LRRC7: variants seen among roughly 807,000 people sequenced by gnomAD.
LRRC7 encodes leucine rich repeat containing 7, also known as leucine-rich repeat-containing protein 7.
Under a neutral mutation model 175.7 loss-of-function variants are expected in LRRC7, and 23 were observed. The observed-to-expected ratio is 0.13, with a 90% CI of 0.09 to 0.19. The LOEUF (loss-of-function observed/expected upper bound fraction) is 0.19. LRRC7 is among the 10% of genes least tolerant of loss of function. The pLI is 1.00. For synonymous variants in LRRC7, 685 were observed against 680.9 expected, an observed-to-expected ratio of 1.01 and a Z score of -0.09; for missense variants, 1,354 against 1,904.7, an observed-to-expected ratio of 0.71 and a Z score of 5.38.
chr1:69,819,043 G>C (rs1037445580), intron 4 of LRRC7, among the ~76,000 whole-genome samples: 2 of 151,886 alleles, frequency 1.3e-5, no homozygotes, highest in Non-Finnish European at 2.9e-5. Flanking sequence ...ACAAATTCTA[G>C]TTTCATTGAT....
intron 26 of LRRC7, among the ~76,000 whole-genome samples, chr1:70,113,599 T>TA (rs1665656671): frequency 2.0e-5 from 3 of 152,170 alleles, no homozygotes; most frequent in Non-Finnish European, 4.4e-5. Context: ...AACAAGATTT[T>TA]AAAAGCACAT....
chr1:69,910,218 G>A (rs542270495), intron 7 of LRRC7, among the ~76,000 whole-genome samples: 38 of 152,232 alleles, frequency 2.5e-4, no homozygotes, highest in East Asian at 1.4e-3. Context: ...GCTTTGTTCC[G>A]TTGCTGGTGA....
intron 11 of LRRC7, among the ~76,000 whole-genome samples, chr1:69,997,298 G>T (rs1655078379): frequency 6.6e-6 from 1 of 152,128 alleles, no homozygotes; most frequent in South Asian, 2.1e-4. Flanking sequence ...AGGAGATTTT[G>T]GGCTGAGACA....
intron 1 of LRRC7, among the ~76,000 whole-genome samples, chr1:69,667,629 C>T (rs1658456747): frequency 1.3e-5 from 2 of 152,132 alleles, no homozygotes; most frequent in South Asian, 4.1e-4. Context: ...TACTCCTGCT[C>T]CGTTTTGGTT....
At chr1:69,701,929 G>A (rs1036557282) in intron 2 of LRRC7, among the ~76,000 whole-genome samples, 1 of 152,152 alleles carries the variant, frequency 6.6e-6, no homozygotes, top group Non-Finnish European at 1.5e-5. Flanking sequence ...TATTTAAAAT[G>A]CTTGAGCTGA....
chr1:69,697,891 GC>G (rs1214612426), intron 2 of LRRC7, among the ~76,000 whole-genome samples: 1 of 152,164 alleles, frequency 6.6e-6, no homozygotes, highest in Admixed American at 6.5e-5. Flanking sequence ...ATCCCATGGG[GC>G]TTACTGCTGT....
intron 7 of LRRC7, chr1:69,919,394 A>G: frequency 1.6e-6 from 1 of 641,636 alleles, no homozygotes; most frequent in Non-Finnish European, 2.7e-6. Flanking sequence ...GGCTGGGAAA[A>G]GCGCATGAGC....
chr1:70,107,818 A>G lies in LRRC7; in HGVS notation c.4612A>G (p.Ile1538Val). ...AAACCTACTGCAGCCTGGTGATAAG[A>G]TCCTTCAGGTAAGACAGATAAAAGA... ...ASNLLQPGDK[I>V]LQANGHSFVH... The change falls in exon 26 of 27, where the codon ATC (isoleucine) becomes GTC (valine). Residue 1538 changes from isoleucine (I) to valine (V), a missense_variant. Transcript: ENST00000651989. 4 of 1,612,612 alleles carry G rather than the reference A, an allele frequency of 2.5e-6. No individual in the cohort carries two copies. The highest frequency in any genetic ancestry group is 3.4e-6 in the Non-Finnish European group (4 of 1,178,874).
intron 18 of LRRC7, among the ~76,000 whole-genome samples, chr1:70,029,654 C>T (rs1343439651): frequency 6.6e-6 from 1 of 152,108 alleles, no homozygotes; most frequent in Non-Finnish European, 1.5e-5. Context: ...AGGAAACCAA[C>T]ATTTAGCAGA....
At chr1:70,112,561 T>A (rs1665593753) in intron 26 of LRRC7, among the ~76,000 whole-genome samples, 1 of 151,882 alleles carries the variant, frequency 6.6e-6, no homozygotes, top group Non-Finnish European at 1.5e-5. Context: ...GGGAATGGAG[T>A]GATTAATATA....
chr1:69,696,528 T>A (rs1265509684), intron 2 of LRRC7, among the ~76,000 whole-genome samples: 1 of 152,180 alleles, frequency 6.6e-6, no homozygotes, highest in East Asian at 1.9e-4. Flanking sequence ...GATTGTATTT[T>A]GCAATGTGAG....
intron 3 of LRRC7, among the ~76,000 whole-genome samples, chr1:69,761,641 G>T (rs1039717597): frequency 2.6e-5 from 4 of 151,806 alleles, no homozygotes; most frequent in African/African-American, 9.7e-5. Flanking sequence ...AAATATTATT[G>T]ACTACATGGA....
chr1:69,721,953 C>T (rs1449510796), intron 2 of LRRC7, among the ~76,000 whole-genome samples: 1 of 151,838 alleles, frequency 6.6e-6, no homozygotes, highest in Admixed American at 6.6e-5. Context: ...AAAAAATCAT[C>T]TTTAATATCA....
chr1:69,659,207 C>T (rs1052018823), intron 1 of LRRC7, among the ~76,000 whole-genome samples: 4 of 151,664 alleles, frequency 2.6e-5, no homozygotes, highest in Non-Finnish European at 5.9e-5. Context: ...TTAGATGATG[C>T]ATAATAGAGA....
At chr1:69,704,903 A>G (rs944277376) in intron 2 of LRRC7, among the ~76,000 whole-genome samples, 8 of 152,142 alleles carry the variant, frequency 5.3e-5, no homozygotes, top group Non-Finnish European at 8.8e-5. Flanking sequence ...TATTTCAACT[A>G]CAAATCAAAA....
intron 2 of LRRC7, among the ~76,000 whole-genome samples, chr1:69,719,034 A>T (rs1342414201): frequency 6.6e-6 from 1 of 151,732 alleles, no homozygotes; most frequent in East Asian, 1.9e-4. Context: ...TTATTTTTGT[A>T]AGTCAGATTT....
intron 24 of LRRC7, among the ~76,000 whole-genome samples, chr1:70,081,693 T>C (rs1255846226): frequency 1.3e-5 from 2 of 151,696 alleles, no homozygotes; most frequent in Non-Finnish European, 2.9e-5. Context: ...AAGTCAAGAG[T>C]AAATTCATAT....
chr1:69,833,105 CA>C (rs58086597), intron 5 of LRRC7, among the ~76,000 whole-genome samples: 8 of 143,282 alleles, frequency 5.6e-5, no homozygotes, highest in African/African-American at 7.9e-5. Flanking sequence ...AACTCTATTT[CA>C]AAAAAAAAAG....
At chr1:70,033,294 GATA>G (rs1199589063) in intron 18 of LRRC7, among the ~76,000 whole-genome samples, 1 of 152,030 alleles carries the variant, frequency 6.6e-6, no homozygotes, top group Non-Finnish European at 1.5e-5. Context: ...AAAAAATGAT[GATA>G]ATAAATAAAT....
Sources: allele counts gnomAD v4.1 joint callset (sites outside exome capture counted in the v4.1 genomes callset), GRCh38; gene constraint gnomAD v4.1.1; transcripts MANE v1.5; gene names NCBI Gene and HGNC (gene_info 2026-07-23, HGNC 2026-07-21).